XRCC4: variants seen among roughly 807,000 people sequenced by gnomAD.
XRCC4 encodes the protein X-ray repair cross complementing 4.
Under a neutral mutation model 39.1 loss-of-function variants are expected in XRCC4, and 28 were observed. The ratio of observed to expected loss-of-function variants is 0.72; its 90% CI spans 0.53 to 0.98. XRCC4 has a LOEUF of 0.98. XRCC4 is among the 50% of genes least tolerant of loss of function. The probability of loss-of-function intolerance (pLI) is 0.00; values close to 1 mark genes in which losing one functional copy is unlikely to be tolerated. For missense variants in XRCC4, 350 were observed against 376.4 expected (o/e 0.93, Z 0.58); for synonymous variants, 123 against 126.4 (o/e 0.97, Z 0.18).
chr5:83,169,047 T>A (rs1405978035), intron 3 of XRCC4, among the ~76,000 whole-genome samples: 1 of 152,078 alleles, frequency 6.6e-6, no homozygotes, highest in Admixed American at 6.6e-5. Context: ...AAGGGAGCTG[T>A]GGGTGGGGTT....
chr5:83,122,214 A>G (rs1187877633), intron 3 of XRCC4, among the ~76,000 whole-genome samples: 5 of 152,196 alleles, frequency 3.3e-5, no homozygotes, highest in Non-Finnish European at 5.9e-5. Context: ...TTTCCAAACA[A>G]GTCTGCTGGA....
At chr5:83,266,302 A>G (rs1348310178) in intron 7 of XRCC4, among the ~76,000 whole-genome samples, 1 of 150,168 alleles carries the variant, frequency 6.7e-6, no homozygotes, top group African/African-American at 2.5e-5. Flanking sequence ...AAATTCTGTA[A>G]CTTAAATCAT....
chr5:83,097,102 G>A (rs1475276841), intron 1 of XRCC4, among the ~76,000 whole-genome samples: 1 of 152,176 alleles, frequency 6.6e-6, no homozygotes, highest in Admixed American at 6.5e-5. Flanking sequence ...TCCTGCTGGA[G>A]TTGTCCAAAA....
chr5:83,101,555 A>G (rs1252922530), intron 1 of XRCC4, among the ~76,000 whole-genome samples: 2 of 152,058 alleles, frequency 1.3e-5, no homozygotes, highest in South Asian at 4.1e-4. Flanking sequence ...AATAGTGTTG[A>G]TAGGCTGGTA....
In XRCC4 at chr5:83,157,891, A is replaced by G. The variant is rs985428269; in HGVS notation, c.316-37879A>G. Among the ~76,000 whole-genome samples, 3 of 152,222 alleles carry G rather than the reference A, an allele frequency of 2.0e-5. No individual in the cohort carries two copies. In the South Asian group the frequency reaches 6.2e-4, roughly 31 times the overall value. ...CAAAATATTAGTGTATGAATGAAAA[A>G]TTGTTTAAAAAATACTTTGGTTATT... On this transcript the variant is annotated intron_variant, in intron 3 of 7. Transcript: ENST00000396027.
chr5:83,359,749 G>T, the XRCC4 span, among the ~76,000 whole-genome samples: 3 of 152,048 alleles, frequency 2.0e-5, no homozygotes, highest in Admixed American at 6.6e-5. Context: ...CAAGTTTGTC[G>T]CAAGTTAACA....
At chr5:83,368,124 T>C in the XRCC4 span, among the ~76,000 whole-genome samples, 2 of 151,596 alleles carry the variant, frequency 1.3e-5, no homozygotes, top group Admixed American at 1.3e-4. Flanking sequence ...TCTGTAGTTG[T>C]GTTCCCTTAT....
chr5:83,128,821 GTTTGATT>G (rs1293275083), intron 3 of XRCC4, among the ~76,000 whole-genome samples: 10 of 152,080 alleles, frequency 6.6e-5, no homozygotes, highest in Admixed American at 6.6e-4. Flanking sequence ...TGATGGGGTT[GTTTGATT>G]TTTTTCTTGT....
intron 3 of XRCC4, among the ~76,000 whole-genome samples, chr5:83,134,780 T>A (rs1055517489): frequency 6.6e-6 from 1 of 152,178 alleles, no homozygotes; most frequent in Non-Finnish European, 1.5e-5. Context: ...TCTGCCTTTA[T>A]GAGCTGTAAC....
intron 6 of XRCC4, among the ~76,000 whole-genome samples, chr5:83,218,062 T>TATATATATATATATATATATATATA (rs1554065873): frequency 3.5e-4 from 51 of 147,594 alleles, no homozygotes; most frequent in African/African-American, 1.2e-3. Flanking sequence ...TTTACCTTTT[T>TATATATATATATATATATATATATA]TATATATATA....
chr5:83,220,292 A>G (rs1296909673), intron 6 of XRCC4, among the ~76,000 whole-genome samples: 1 of 152,162 alleles, frequency 6.6e-6, no homozygotes, highest in Non-Finnish European at 1.5e-5. Flanking sequence ...AGGTGATGTG[A>G]ATGCAGCAAC....
intron 3 of XRCC4, among the ~76,000 whole-genome samples, chr5:83,140,088 A>G (rs1365817696): frequency 6.6e-6 from 1 of 152,148 alleles, no homozygotes; most frequent in Non-Finnish European, 1.5e-5. Context: ...ATGCATGTGT[A>G]TTAGGGTTCT....
intron 7 of XRCC4, among the ~76,000 whole-genome samples, chr5:83,318,581 A>G: frequency 1.5e-5 from 1 of 64,684 alleles, no homozygotes; most frequent in African/African-American, 1.0e-4. Flanking sequence ...AGAGAGCCAA[A>G]TCATGAGTAA....
chr5:83,324,483 C>G (rs1756181076), intron 7 of XRCC4, among the ~76,000 whole-genome samples: 1 of 152,060 alleles, frequency 6.6e-6, no homozygotes, highest in Non-Finnish European at 1.5e-5. Flanking sequence ...ATATCTTTGT[C>G]AATATCCTTA....
intron 3 of XRCC4, among the ~76,000 whole-genome samples, chr5:83,149,182 TG>T (rs1432666481): frequency 6.6e-6 from 1 of 152,206 alleles, no homozygotes; most frequent in Non-Finnish European, 1.5e-5. Flanking sequence ...ATCAATCCAC[TG>T]ATGATTCTTT....
intron 7 of XRCC4, among the ~76,000 whole-genome samples, chr5:83,347,173 A>G (rs1260638088): frequency 1.3e-5 from 2 of 152,190 alleles, no homozygotes; most frequent in Admixed American, 1.3e-4. Context: ...CATCTCTAAT[A>G]TATTATAGAG....
Position 83,086,249 on chromosome 5 carries a change from T to TA in XRCC4, c.-11+8635dup, listed in dbSNP as rs568640018. Among the ~76,000 whole-genome samples the TA allele has an allele frequency of 5.9e-5, 9 of 152,304 alleles. No homozygotes were observed. In the East Asian group the frequency reaches 9.7e-4, roughly 16 times the overall value. On this transcript the variant is annotated intron_variant, in intron 1 of 7. Transcript: ENST00000396027. ...CTATAGAGTTGACCCTTGAACAATA[T>TA]AGGGGTTAGGGATGCCAACCTCTCA...
intron 3 of XRCC4, among the ~76,000 whole-genome samples, chr5:83,152,393 G>A (rs1031742250): frequency 6.6e-6 from 1 of 152,120 alleles, no homozygotes; most frequent in African/African-American, 2.4e-5. Flanking sequence ...CAGCACTTTG[G>A]GAGGCCGAGG....
At chr5:83,298,293 T>C (rs1755163084) in intron 7 of XRCC4, among the ~76,000 whole-genome samples, 1 of 151,802 alleles carries the variant, frequency 6.6e-6, no homozygotes. Context: ...TTTCAGTTGA[T>C]CAAATTTATT....
Sources: gnomAD v4.1 joint callset for allele counts (sites outside exome capture counted in the v4.1 genomes callset) on GRCh38, gnomAD v4.1.1 for gene constraint, MANE v1.5 for transcripts, NCBI Gene and HGNC (gene_info 2026-07-23, HGNC 2026-07-21) for gene names.